The following NDE1 variants were observed in gnomAD, a reference collection of about 807,000 sequenced individuals.
The protein encoded by NDE1 is nuclear distribution protein nudE homolog 1.
A neutral mutation model predicts 43.4 loss-of-function variants in NDE1; 28 were observed. The observed-to-expected ratio is 0.65, with a 90% CI of 0.48 to 0.89. The LOEUF (loss-of-function observed/expected upper bound fraction) is 0.89. NDE1 is among the 40% of genes least tolerant of loss of function. NDE1 has a pLI of 0.00. For missense variants in NDE1, 441 were observed against 434.1 expected (o/e 1.02, Z -0.14); for synonymous variants, 184 against 172.0 (o/e 1.07, Z -0.55).
In NDE1 at chr16:15,687,264, G is replaced by A. The variant is rs763055468; in HGVS notation, c.387-111G>A. 3.1e-6 allele frequency: 5 copies of A among 1,595,554 alleles called. No individual in the cohort carries two copies. The South Asian group carries it at 5.6e-5, about 18-fold the overall frequency. On this transcript the variant is annotated intron_variant, in intron 4 of 8. Coordinates refer to ENST00000396354, the MANE Select transcript of NDE1 (RefSeq NM_017668.3). ...ACTCTGTGGCATCTAGGAAGTTTGG[G>A]GCTGGGACTTGTGCCCAGGTGTGTC...
At chr16:15,654,626 A>C (rs1380643741) in intron 1 of NDE1, among the ~76,000 whole-genome samples, 2 of 150,464 alleles carry the variant, frequency 1.3e-5, no homozygotes, top group South Asian at 2.1e-4. Context: ...ACAAAAAAAA[A>C]AAAAACAAAA....
intron 5 of NDE1, among the ~76,000 whole-genome samples, chr16:15,689,938 C>CAAAA (rs34081814): frequency 3.2e-5 from 3 of 95,084 alleles, no homozygotes; most frequent in South Asian, 6.7e-4. Context: ...AACTCCATCT[C>CAAAA]AAAAAAAAAA....
At chr16:15,662,079 G>A (rs998616497) in intron 1 of NDE1, among the ~76,000 whole-genome samples, 4 of 151,436 alleles carry the variant, frequency 2.6e-5, no homozygotes, top group African/African-American at 9.7e-5. Flanking sequence ...GACTACAGAT[G>A]TGTTGCACCA....
chr16:15,725,472 C>T lies in NDE1; in HGVS notation c.*1221C>T. On this transcript the variant is annotated 3_prime_UTR_variant, in exon 9 of 9. Transcript: ENST00000396354. ...CACTCCTACTCTTTGACCCTGATGG[C>T]CAAAGCCAGAGACGCAGGCCCTAAA... The T allele has an allele frequency of 2.4e-6, 1 of 422,774 alleles. No individual in the cohort carries two copies. The highest frequency in any genetic ancestry group is 4.1e-6 in the Non-Finnish European group (1 of 244,068). 26.2% of individuals were successfully genotyped at this position (422,774 alleles called of 1,614,324 possible). A position where few individuals can be genotyped will look rare whatever the true frequency, so the allele number is the denominator to read the frequency against.
intron 8 of NDE1, chr16:15,718,471 A>C (rs770700309): frequency 2.1e-5 from 32 of 1,536,470 alleles, no homozygotes; most frequent in Non-Finnish European, 2.1e-5. Context: ...GGGGGCCTCT[A>C]CCCTCCCCCG....
chr16:15,722,349 T>C (rs570751447), intron 8 of NDE1, among the ~76,000 whole-genome samples: 24 of 152,324 alleles, frequency 1.6e-4, no homozygotes, highest in African/African-American at 5.5e-4. Context: ...CCTGCACACA[T>C]ATCTCTCTGC....
At chr16:15,686,928 C>G in intron 4 of NDE1, 1 of 960,702 alleles carries the variant, frequency 1.0e-6, no homozygotes, top group South Asian at 4.8e-5. Flanking sequence ...AACTCCTGAT[C>G]TCAGGTCTTC....
chr16:15,690,789 C>T (rs111323095), intron 5 of NDE1, among the ~76,000 whole-genome samples: 50 of 152,124 alleles, frequency 3.3e-4, no homozygotes, highest in African/African-American at 1.2e-3. Flanking sequence ...ACCCCACCAA[C>T]CCTAAGCAAG....
chr16:15,670,243 G>A (rs1181304205), intron 3 of NDE1, among the ~76,000 whole-genome samples: 1 of 152,174 alleles, frequency 6.6e-6, no homozygotes, highest in Admixed American at 6.5e-5. Context: ...CCAGGGCTAG[G>A]TATGATGGAC....
intron 5 of NDE1, among the ~76,000 whole-genome samples, chr16:15,687,799 G>T (rs1402441731): frequency 6.6e-6 from 1 of 152,216 alleles, no homozygotes; most frequent in African/African-American, 2.4e-5. Context: ...TTCTGCCTCT[G>T]GGCAGCAGAA....
intron 4 of NDE1, among the ~76,000 whole-genome samples, chr16:15,682,671 A>G (rs780155188): frequency 6.6e-5 from 10 of 152,338 alleles, no homozygotes; most frequent in Admixed American, 4.6e-4. Context: ...AAGTTTTACA[A>G]AAATTCAAAT....
chr16:15,719,340 C>T (rs376737970), intron 8 of NDE1: 4 of 1,603,256 alleles, frequency 2.5e-6, no homozygotes, highest in East Asian at 2.2e-5. Context: ...TGTTGTCTGC[C>T]AGGGAAAGGC....
At chr16:15,660,522 C>T (rs558786364) in intron 1 of NDE1, among the ~76,000 whole-genome samples, 1 of 152,248 alleles carries the variant, frequency 6.6e-6, no homozygotes, top group South Asian at 2.1e-4. Flanking sequence ...AGCTCAAAGT[C>T]CTGAGAGCCA....
chr16:15,684,902 C>T (rs574510965), intron 4 of NDE1, among the ~76,000 whole-genome samples: 57 of 152,308 alleles, frequency 3.7e-4, no homozygotes, highest in East Asian at 1.9e-4. Context: ...TATAGTAGTG[C>T]GTTCTGACTC....
At chr16:15,678,000 T>C in intron 4 of NDE1, 51 bp downstream of exon 4, 4 of 1,608,832 alleles carry the variant, frequency 2.5e-6, no homozygotes, top group Non-Finnish European at 3.4e-6. Flanking sequence ...CTCTGCTTTT[T>C]GTCCCCAGCA....
intron 8 of NDE1, chr16:15,719,031 G>A: frequency 3.1e-6 from 2 of 650,546 alleles, no homozygotes; most frequent in Admixed American, 2.1e-5. Flanking sequence ...AGAAGGCTGA[G>A]GCAGGAGAAT....
chr16:15,680,958 T>C (rs1400958748), intron 4 of NDE1, among the ~76,000 whole-genome samples: 1 of 151,966 alleles, frequency 6.6e-6, no homozygotes, highest in Non-Finnish European at 1.5e-5. Context: ...TCCTTTTTTC[T>C]CTTTTGAAAA....
At chr16:15,648,074 A>T (rs1318243606), upstream of NDE1, among the ~76,000 whole-genome samples, 1 of 150,778 alleles carries the variant, frequency 6.6e-6, no homozygotes, top group Non-Finnish European at 1.5e-5. Flanking sequence ...ATATATTTTT[A>T]GTTTTTATGG....
In NDE1 at chr16:15,691,257, C is replaced by T. The variant is rs1197292168; in HGVS notation, c.637C>T (p.Pro213Ser). 2.5e-6 allele frequency: 4 copies of T among 1,614,162 alleles called. No homozygotes were observed. The highest frequency in any genetic ancestry group is 3.4e-6 in the Non-Finnish European group (4 of 1,180,030). ...AGCTGTGCAGGCCACGGGCTCCGTGCCGTCCACGCCCATTGCTCACCGAGG... is the reference window on the plus strand; with the variant it reads ...AGCTGTGCAGGCCACGGGCTCCGTGTCGTCCACGCCCATTGCTCACCGAGG... ...DTAVQATGSV[P>S]STPIAHRGPS... The change falls in exon 6 of 9, where the codon CCG becomes TCG. Residue 213 changes from proline to serine, a missense_variant. Coordinates refer to ENST00000396354, the MANE Select transcript of NDE1 (RefSeq NM_017668.3).
Sources: allele counts gnomAD v4.1 joint callset (sites outside exome capture counted in the v4.1 genomes callset), GRCh38; gene constraint gnomAD v4.1.1; transcripts MANE v1.5; gene names NCBI Gene and HGNC (gene_info 2026-07-23, HGNC 2026-07-21).